Variants in MMP26 observed in about 807,000 individuals in gnomAD.
The protein encoded by MMP26 is matrix metalloproteinase-26.
A neutral mutation model predicts 31.0 loss-of-function variants in MMP26; 33 were observed. The observed-to-expected ratio is 1.06, with a 90% CI of 0.81 to 1.42. The LOEUF is 1.42. MMP26 is among the 40% of genes most tolerant of loss of function. MMP26 has a pLI of 0.00. For synonymous variants in MMP26, 122 were observed against 114.9 expected, an observed-to-expected ratio of 1.06 and a Z score of -0.40; for missense variants, 347 against 316.1, an observed-to-expected ratio of 1.10 and a Z score of -0.74.
chr11:4,794,414 A>G (rs939530367), intron 2 of MMP26, among the ~76,000 whole-genome samples: 1 of 152,172 alleles, frequency 6.6e-6, no homozygotes, highest in Admixed American at 6.5e-5. Context: ...TTTATCCCCT[A>G]GTATGCAAGT....
At chr11:4,786,588 A>G (rs1848950228) in intron 2 of MMP26, among the ~76,000 whole-genome samples, 1 of 145,588 alleles carries the variant, frequency 6.9e-6, no homozygotes, top group Non-Finnish European at 1.5e-5. Flanking sequence ...CAGGAGCCAA[A>G]TGACTGATCA....
chr11:4,917,595 A>G (rs977830503), intron 2 of MMP26, among the ~76,000 whole-genome samples: 8 of 152,212 alleles, frequency 5.3e-5, no homozygotes, highest in Non-Finnish European at 1.0e-4. Context: ...TGAAGATCAT[A>G]TAGGCTCTCA....
chr11:4,924,288 C>T (rs1188419758), intron 2 of MMP26: 2 of 1,613,348 alleles, frequency 1.2e-6, no homozygotes, highest in South Asian at 1.1e-5. Flanking sequence ...CCTTGGAAGC[C>T]CGTCAGGAAG....
At chr11:4,844,078 T>C (rs948888577) in intron 2 of MMP26, among the ~76,000 whole-genome samples, 8 of 151,816 alleles carry the variant, frequency 5.3e-5, no homozygotes, top group African/African-American at 1.9e-4. Flanking sequence ...AAATTTGAAA[T>C]GAAAAAGGAA....
intron 2 of MMP26, among the ~76,000 whole-genome samples, chr11:4,935,765 T>G (rs1268539198): frequency 2.0e-5 from 3 of 150,922 alleles, no homozygotes; most frequent in East Asian, 1.9e-4. Flanking sequence ...ATACCTAATT[T>G]ATTGAGAGTT....
At chr11:4,815,049 G>A (rs748014159) in intron 2 of MMP26, among the ~76,000 whole-genome samples, 2 of 152,046 alleles carry the variant, frequency 1.3e-5, no homozygotes, top group African/African-American at 2.4e-5. Flanking sequence ...GGAAAGGCAG[G>A]ACAACTCAAA....
At chr11:4,848,779 G>C (rs757594137) in intron 2 of MMP26, 1 of 1,613,948 alleles carries the variant, frequency 6.2e-7, no homozygotes. Context: ...CCATTGGTGA[G>C]GAGCGCTGGG....
Position 4,942,190 on chromosome 11 carries a change from G to A in MMP26, c.-144-45878G>A, listed in dbSNP as rs530858481. Among the ~76,000 whole-genome samples, 7 of 150,284 alleles carry A rather than the reference G, an allele frequency of 4.7e-5. 1 individual carries two copies. The Admixed American group carries it at 4.7e-4, about 10-fold the overall frequency. On this transcript the variant is annotated intron_variant, in intron 2 of 7. Transcript: ENST00000380390. ...GTCTTTCCTAAATTAAGTTGACTAA[G>A]GACTGCTTCTGTTGTGTTAAAATGA...
intron 2 of MMP26, among the ~76,000 whole-genome samples, chr11:4,790,826 T>C (rs1413901132): frequency 6.6e-6 from 1 of 152,204 alleles, no homozygotes; most frequent in Non-Finnish European, 1.5e-5. Flanking sequence ...ATGCACACCA[T>C]GCTTATTATG....
At chr11:4,882,722 T>C (rs762186672) in intron 2 of MMP26, 36 of 1,613,864 alleles carry the variant, frequency 2.2e-5, no homozygotes, top group Admixed American at 5.0e-5. Context: ...AAGGGTGCTC[T>C]GTAGCACTTT....
At chr11:4,770,159 T>C (rs939729791) in intron 2 of MMP26, among the ~76,000 whole-genome samples, 7 of 152,190 alleles carry the variant, frequency 4.6e-5, no homozygotes, top group Admixed American at 4.6e-4. Flanking sequence ...GGGAAATATG[T>C]CCATATGATT....
chr11:4,907,016 A>T (rs1489863200), intron 2 of MMP26, among the ~76,000 whole-genome samples: 1 of 143,598 alleles, frequency 7.0e-6, no homozygotes, highest in Non-Finnish European at 1.5e-5. Context: ...GAATCACTTG[A>T]TCGCGGGAGG....
At position 4,859,982 on chromosome 11, in the gene MMP26, G is replaced by A. The variant is rs549626819; in HGVS notation, c.-145+92641G>A. The A allele has an allele frequency of 4.2e-5, 20 of 471,106 alleles. No individual in the cohort carries two copies. The East Asian group carries it at 9.7e-4, about 23-fold the overall frequency. The allele number at this position is 471,106 out of a possible 1,614,324, so 29.2% of individuals were successfully genotyped here. On this transcript the variant is annotated intron_variant, in intron 2 of 7. Transcript: ENST00000380390. ...ATGAGGCCGTAGAGGCTGTTGATGC[G>A]GGTGCTGGCACAAGCTAGCCGCATC...
At chr11:4,984,157 T>A (rs1005442473) in intron 2 of MMP26, among the ~76,000 whole-genome samples, 5 of 152,222 alleles carry the variant, frequency 3.3e-5, no homozygotes, top group African/African-American at 1.2e-4. Flanking sequence ...CGTGTCAAGA[T>A]GAAAGACGGG....
At position 4,804,956 on chromosome 11, in the gene MMP26, C is replaced by T. The variant is rs568001577; in HGVS notation, c.-145+37615C>T. On this transcript the variant is annotated intron_variant, in intron 2 of 7. Transcript: ENST00000380390. Reference sequence around the variant, plus strand: ...CTGCACTCCAGCCTGGGTGTCAGAGCGAAACCGCCTCAAAAAAAAAAAAAA... The same window carrying T: ...CTGCACTCCAGCCTGGGTGTCAGAGTGAAACCGCCTCAAAAAAAAAAAAAA... Among the ~76,000 whole-genome samples the T allele has an allele frequency of 3.9e-4, 54 of 139,578 alleles. No individual in the cohort carries two copies. In the South Asian group the frequency reaches 0.011, roughly 28 times the overall value. 91.6% of individuals were successfully genotyped at this position (139,578 alleles called of 152,430 possible).
chr11:4,854,432 G>C (rs958420667), intron 2 of MMP26, among the ~76,000 whole-genome samples: 1 of 152,194 alleles, frequency 6.6e-6, no homozygotes, highest in African/African-American at 2.4e-5. Flanking sequence ...GCCTGGCTCG[G>C]AGGGTCCCAC....
intron 2 of MMP26, among the ~76,000 whole-genome samples, chr11:4,843,373 C>T (rs1329930559): frequency 6.6e-6 from 1 of 152,226 alleles, no homozygotes; most frequent in Non-Finnish European, 1.5e-5. Context: ...CTTTTCCATA[C>T]ATCCTCTGCA....
In MMP26 at chr11:4,891,262, G is replaced by T. The variant is rs1011858918; in HGVS notation, c.-144-96806G>T. ...TAGCATGGCACTGCCATCTGGTTGG[G>T]CTCTGGGGAGGCCTCAGGGAGCTTT... is the stretch of plus-strand genomic sequence containing the variant. On this transcript the variant is annotated intron_variant, in intron 2 of 7. Transcript: ENST00000380390. Among the ~76,000 whole-genome samples, 5 of 152,206 alleles carry T rather than the reference G, an allele frequency of 3.3e-5. No individual in the cohort carries two copies. In the East Asian group the frequency reaches 9.7e-4, roughly 29 times the overall value.
intron 2 of MMP26, among the ~76,000 whole-genome samples, chr11:4,844,359 C>T (rs1161086669): frequency 6.6e-6 from 1 of 152,132 alleles, no homozygotes; most frequent in African/African-American, 2.4e-5. Flanking sequence ...TAATACCAAT[C>T]CTACTCAAAC....
Sources: gnomAD v4.1 joint callset for allele counts (sites outside exome capture counted in the v4.1 genomes callset) on GRCh38, gnomAD v4.1.1 for gene constraint, MANE v1.5 for transcripts, NCBI Gene and HGNC (gene_info 2026-07-23, HGNC 2026-07-21) for gene names.